Variants in HSPG2 observed in about 807,000 individuals in gnomAD.
The protein encoded by HSPG2 is heparan sulfate proteoglycan 2.
In HSPG2, 278 loss-of-function variants were observed where a neutral mutation model predicts 526.6. That is an observed-to-expected ratio of 0.53 (90% CI 0.48 to 0.58). The LOEUF is 0.58. Among genes scored for constraint, HSPG2 ranks in the 20% least tolerant of loss-of-function variants. HSPG2 has a pLI of 0.00. For synonymous variants in HSPG2, 2,465 were observed against 2,555.4 expected, an observed-to-expected ratio of 0.96 and a Z score of 1.07; for missense variants, 5,354 against 6,099.5, an observed-to-expected ratio of 0.88 and a Z score of 4.07.
intron 50 of HSPG2, chr1:21,853,960 T>C (rs1244420743): frequency 3.7e-6 from 2 of 534,112 alleles, no homozygotes. Flanking sequence ...ACCTGGACAT[T>C]CTGCTGCTTC....
At position 21,896,937 on chromosome 1, in the gene HSPG2, G is replaced by A. The variant is rs541935184; in HGVS notation, c.64-627C>T. Among the ~76,000 whole-genome samples the A allele has an allele frequency of 2.0e-5, 3 of 152,280 alleles. No homozygotes were observed. In the East Asian group the frequency reaches 5.8e-4, roughly 29 times the overall value. On this transcript the variant is annotated intron_variant, in intron 1 of 96. Coordinates refer to ENST00000374695, the MANE Select transcript of HSPG2 (RefSeq NM_005529.7). ...CAGGCTCATCCCTGGGCCCAGCAGC[G>A]CGGAGGCAGAGCTCAGTATCTGGGC...
At chr1:21,838,722 G>A in intron 74 of HSPG2, 103 bp downstream of exon 74, 2 of 1,235,624 alleles carry the variant, frequency 1.6e-6, no homozygotes, top group Non-Finnish European at 2.3e-6. Flanking sequence ...CATTCCAGGT[G>A]GGGTTATGGA....
intron 50 of HSPG2, among the ~76,000 whole-genome samples, chr1:21,853,291 T>C (rs1286639991): frequency 6.6e-6 from 1 of 152,180 alleles, no homozygotes; most frequent in Non-Finnish European, 1.5e-5. Context: ...GACCCACCCA[T>C]GACTTCTTGA....
At position 21,830,166 on chromosome 1, in the gene HSPG2, G is replaced by T. The variant is rs567359368; in HGVS notation, c.11672-75C>A. ...AGGGGGGTCCTGATGCCAGAGGTCT[G>T]CCCATCACACCCCGGGGGGCTGGGC... On this transcript the variant is annotated intron_variant, in intron 85 of 96. Transcript: ENST00000374695. 4 of 1,204,666 alleles carry T rather than the reference G, an allele frequency of 3.3e-6. 1 individual carries two copies. In the South Asian group the frequency reaches 5.2e-5, roughly 16 times the overall value. 74.6% of individuals were successfully genotyped at this position (1,204,666 alleles called of 1,614,324 possible). A position where few individuals can be genotyped will look rare whatever the true frequency, so the allele number is the denominator to read the frequency against.
intron 1 of HSPG2, among the ~76,000 whole-genome samples, chr1:21,907,680 G>T (rs1282640401): frequency 2.0e-5 from 3 of 152,078 alleles, no homozygotes. Flanking sequence ...ACTACATCTG[G>T]CTAATTTATT....
At chr1:21,912,675 C>T (rs945437392) in intron 1 of HSPG2, among the ~76,000 whole-genome samples, 7 of 152,188 alleles carry the variant, frequency 4.6e-5, no homozygotes, top group African/African-American at 1.7e-4. Flanking sequence ...CCCATACCCC[C>T]ATAATGTTGG....
At position 21,831,797 on chromosome 1, in the gene HSPG2, CT is replaced by C. The variant is rs1393517201; in HGVS notation, c.11208-2del. 6.3e-7 allele frequency: 1 copy of C among 1,597,876 alleles called. No individual in the cohort carries two copies. Among genetic ancestry groups the C allele is most frequent in the Non-Finnish European group, 8.6e-7 (1 of 1,169,338 alleles). ...GGCCATGCCTGAGCCTGCATCGAAC[CT>C]GCTCCGTGGGGCAGGCCGGGGCAGG... is the stretch of plus-strand genomic sequence containing the variant. On this transcript the variant is annotated splice_acceptor_variant, in intron 81 of 96. Transcript: ENST00000374695. LOFTEE classifies it high-confidence loss of function.
At position 21,831,296 on chromosome 1, in the gene HSPG2, G is replaced by A. The variant is rs150600286; in HGVS notation, c.11481C>T (p.Gly3827=). Residue 3827 remains glycine, a synonymous_variant, in exon 84 of 97, where the codon GGC becomes GGT. Transcript: ENST00000374695. ...IGCVRELRIQ[G]EEIVFHDLNL... Reference sequence around the variant, plus strand: ...TGAGGTCATGGAAGACGATCTCCTCGCCCTGGATGCGCAGCTCCCGGACAC... The same window carrying A: ...TGAGGTCATGGAAGACGATCTCCTCACCCTGGATGCGCAGCTCCCGGACAC... The A allele has an allele frequency of 1.2e-4, 187 of 1,614,048 alleles. 2 individuals carry two copies. In the Middle Eastern group the frequency reaches 3.5e-3, roughly 30 times the overall value.
Position 21,887,130 on chromosome 1 carries a change from G to GC in HSPG2, c.1078+84_1078+85insG. 1 of 1,242,144 alleles carries GC rather than the reference G, an allele frequency of 8.1e-7. No homozygotes were observed. The highest frequency in any genetic ancestry group is 1.1e-6 in the Non-Finnish European group (1 of 903,924). The allele number at this position is 1,242,144 out of a possible 1,614,324, so 76.9% of individuals were successfully genotyped here. On this transcript the variant is annotated intron_variant, in intron 9 of 96. Transcript: ENST00000374695. This position sits in a 1 kb window ranked among gnomAD's most constrained non-coding sequence, Gnocchi z 5.0. ...GGGGGGAAAGCGGAGGGGCAGGGTA[G>GC]GGGCGGGGCAGGAGTGGAAGGCGGG... is the stretch of plus-strand genomic sequence containing the variant.
At position 21,833,332 on chromosome 1, in the gene HSPG2, G is replaced by T. The variant is rs1162599518; in HGVS notation, c.11031C>A (p.Pro3677=). The part of the protein sequence containing the change: ...TQTPYSFLPL[P]TIKDAYRKFE... ...ACTTCCTGTAGGCATCCTTGATGGT[G>T]GGCAGCGGTAGGAAGGAGTAGGGGG... Residue 3677 remains proline, a synonymous_variant, in exon 80 of 97, where the codon CCC becomes CCA. Transcript: ENST00000374695. The T allele has an allele frequency of 6.2e-7, 1 of 1,614,032 alleles. No homozygotes were observed. Among genetic ancestry groups the T allele is most frequent in the South Asian group, 1.1e-5 (1 of 91,086 alleles).
chr1:21,853,525 CGAGGT>C, intron 50 of HSPG2: 1 of 185,726 alleles, frequency 5.4e-6, no homozygotes, highest in Non-Finnish European at 1.1e-5. Context: ...GGTCGGATCA[CGAGGT>C]CAGGAGATCG....
Position 21,823,430 on chromosome 1 carries a change from G to T in HSPG2, c.13062C>A (p.Gly4354=). The change falls in exon 97 of 97, where the codon GGC becomes GGA. Residue 4354 remains glycine, a synonymous_variant. Coordinates refer to ENST00000374695, the MANE Select transcript of HSPG2 (RefSeq NM_005529.7). The part of the protein sequence containing the change: ...TGGRFSSGIT[G]CVKNLVLHSA... ...AGTGCAGCACCAGGTTCTTGACACA[G>T]CCTGTGATGCCTGAGGAGAATCTGC... 2 of 1,589,458 alleles carry T rather than the reference G, an allele frequency of 1.3e-6. No homozygotes were observed. Among genetic ancestry groups the T allele is most frequent in the Non-Finnish European group, 1.7e-6 (2 of 1,172,542 alleles).
chr1:21,862,767 G>A (rs1375291167), intron 37 of HSPG2, among the ~76,000 whole-genome samples: 1 of 151,730 alleles, frequency 6.6e-6, no homozygotes, highest in Non-Finnish European at 1.5e-5. Flanking sequence ...GTATTTGGGG[G>A]CAGAGCATTA....
chr1:21,883,357 G>T (rs1641647177), intron 13 of HSPG2, among the ~76,000 whole-genome samples: 1 of 152,212 alleles, frequency 6.6e-6, no homozygotes, highest in South Asian at 2.1e-4. Flanking sequence ...TCACTCTGTT[G>T]TCCAGGCTGG....
Position 21,879,101 on chromosome 1 carries a change from C to T in HSPG2, c.2364G>A (p.Glu788=), listed in dbSNP as rs140066415. ...GHCLNCQHNT[E]GPQCNKCKAG... is the part of the protein sequence containing the mutation. ...CCTTGCACTTGTTGCACTGTGGCCC[C>T]TCCGTGTTGTGCTGGCAATTCTAGA... Residue 788 remains glutamate (E), a synonymous_variant, in exon 18 of 97, where the codon GAG becomes GAA. Transcript: ENST00000374695. 1.2e-6 allele frequency: 2 copies of T among 1,614,258 alleles called. No individual in the cohort carries two copies. The highest frequency in any genetic ancestry group is 2.7e-5 in the African/African-American group (2 of 75,068).
intron 40 of HSPG2, 82 bp downstream of exon 40, chr1:21,860,095 G>C: frequency 2.5e-6 from 4 of 1,600,592 alleles, no homozygotes; most frequent in Non-Finnish European, 3.4e-6. Flanking sequence ...CCTCAGCCCT[G>C]TCCCCAGACC....
rs1644392438 is a variant in HSPG2, at chr1:21,933,266, G to A, written c.63+3889C>T. Among the ~76,000 whole-genome samples the A allele has an allele frequency of 3.3e-5, 5 of 152,068 alleles. 1 individual carries two copies. The South Asian group carries it at 1.0e-3, about 32-fold the overall frequency. On this transcript the variant is annotated intron_variant, in intron 1 of 96. Coordinates refer to ENST00000374695, the MANE Select transcript of HSPG2 (RefSeq NM_005529.7). ...AAAAGAAACAAAGACTGGTATAGCT[G>A]GAGGAGTTTGAGAGGAGCAGGTGGC...
intron 3 of HSPG2, among the ~76,000 whole-genome samples, chr1:21,891,322 T>C (rs1464686015): frequency 6.6e-6 from 1 of 152,234 alleles, no homozygotes; most frequent in Non-Finnish European, 1.5e-5. Flanking sequence ...AATGGGGATA[T>C]TGACTGCATG....
At chr1:21,838,702 G>A (rs2098036637) in intron 74 of HSPG2, 123 bp downstream of exon 74, 2 of 1,019,070 alleles carry the variant, frequency 2.0e-6, no homozygotes, top group South Asian at 2.9e-5. Context: ...GAGAGTAGGG[G>A]AGATGAGGGC....
Sources: allele counts gnomAD v4.1 joint callset (sites outside exome capture counted in the v4.1 genomes callset), GRCh38; gene constraint gnomAD v4.1.1; non-coding constraint Gnocchi (gnomAD v3.1); transcripts MANE v1.5; gene names NCBI Gene and HGNC (gene_info 2026-07-23, HGNC 2026-07-21).